The following KIF17 variants were observed in gnomAD, a reference collection of about 807,000 sequenced individuals.
The protein encoded by KIF17 is kinesin family member 17, also known as kinesin-like protein KIF17.
KIF17 carries 80 observed loss-of-function variants against 96.8 expected under a neutral mutation model. The observed-to-expected ratio is 0.83, with a 90% CI of 0.69 to 1.00. The LOEUF (loss-of-function observed/expected upper bound fraction) is 1.00, where lower values mean the gene tolerates loss of function less well. Ranked by LOEUF, KIF17 falls within the 50% of genes least tolerant of loss-of-function variation. The pLI, the probability that KIF17 is intolerant of heterozygous loss-of-function variation, is 0.00. For missense variants in KIF17, 1,280 were observed against 1,372.9 expected, an observed-to-expected ratio of 0.93 and a Z score of 1.07; for synonymous variants, 567 against 587.5, an observed-to-expected ratio of 0.97 and a Z score of 0.51.
chr1:20,717,739 T>C lies in KIF17; in HGVS notation c.-33A>G, dbSNP rs2154538202. The C allele has an allele frequency of 6.6e-7, 1 of 1,524,274 alleles. No homozygotes were observed. The highest frequency in any genetic ancestry group is 1.4e-5 in the African/African-American group (1 of 70,866). 94.4% of individuals were successfully genotyped at this position (1,524,274 alleles called of 1,614,324 possible). A position where few individuals can be genotyped will look rare whatever the true frequency, so the allele number is the denominator to read the frequency against. The stretch of plus-strand genomic sequence containing the variant: ...CGCCCAGGACCAACGGGACCAGAGC[T>C]GACCCCCGCCCCGCCGGGGACTCCC... On this transcript the variant is annotated 5_prime_UTR_variant, in exon 1 of 15. Coordinates refer to ENST00000400463, the MANE Select transcript of KIF17 (RefSeq NM_001122819.3).
At chr1:20,708,094 C>A (rs1479381847) in intron 4 of KIF17, among the ~76,000 whole-genome samples, 1 of 151,952 alleles carries the variant, frequency 6.6e-6, no homozygotes, top group East Asian at 1.9e-4. Flanking sequence ...AAGAGGTGCC[C>A]CCTAAACCCG....
intron 8 of KIF17, among the ~76,000 whole-genome samples, chr1:20,686,626 G>A (rs1022732319): frequency 1.3e-5 from 2 of 152,120 alleles, no homozygotes; most frequent in Admixed American, 1.3e-4. Context: ...TGCGATCTTG[G>A]CTCACTGCAA....
chr1:20,689,135 G>A (rs1329038596), intron 7 of KIF17, among the ~76,000 whole-genome samples: 1 of 152,130 alleles, frequency 6.6e-6, no homozygotes, highest in African/African-American at 2.4e-5. Context: ...GCTGGACTGG[G>A]GAGACCAGAG....
intron 6 of KIF17, among the ~76,000 whole-genome samples, chr1:20,696,810 CTT>C (rs746189259): frequency 6.6e-5 from 10 of 152,174 alleles, no homozygotes; most frequent in Non-Finnish European, 1.0e-4. Flanking sequence ...AGCAGGCTGA[CTT>C]CTCTGGTTTC....
chr1:20,704,726 A>G lies in KIF17; in HGVS notation c.844T>C (p.Cys282Arg). 4.3e-6 allele frequency: 7 copies of G among 1,613,150 alleles called. No homozygotes were observed. Among genetic ancestry groups the G allele is most frequent in the Non-Finnish European group, 5.9e-6 (7 of 1,179,446 alleles). ...GAGTCACGGTAGGGGACGTGCTTAC[A>G]GCGCCCGTCCACCAGCGCCGAGATG... is the stretch of plus-strand genomic sequence containing the variant. ...NVISALVDGR[C>R]KHVPYRDSKL... Residue 282 changes from cysteine to arginine, a missense_variant, in exon 5 of 15, where the codon TGT becomes CGT. Coordinates refer to ENST00000400463, the MANE Select transcript of KIF17 (RefSeq NM_001122819.3). This position sits in a 1 kb window ranked among gnomAD's most constrained non-coding sequence, Gnocchi z 6.8.
Position 20,717,778 on chromosome 1 carries a change from A to AAGGGGCGGGGCCAGCGCCGGCCACG in KIF17, c.-97_-73dup. 1 of 1,444,608 alleles carries AAGGGGCGGGGCCAGCGCCGGCCACG rather than the reference A, an allele frequency of 6.9e-7. No homozygotes were observed. Among genetic ancestry groups the AAGGGGCGGGGCCAGCGCCGGCCACG allele is most frequent in the Non-Finnish European group, 9.0e-7 (1 of 1,107,032 alleles). The allele number at this position is 1,444,608 out of a possible 1,614,324, so 89.5% of individuals were successfully genotyped here. On this transcript the variant is annotated 5_prime_UTR_variant, in exon 1 of 15. Coordinates refer to ENST00000400463, the MANE Select transcript of KIF17 (RefSeq NM_001122819.3). ...CCGGGGACTCCCAGCAGCCCGGGCCAAGGGGCGGGGCCAGCGCCGGCCACG... is the reference window on the plus strand; with the variant it reads ...CCGGGGACTCCCAGCAGCCCGGGCCAAGGGGCGGGGCCAGCGCCGGCCACGAGGGGCGGGGCCAGCGCCGGCCACG...
chr1:20,714,196 G>A (rs572587513), intron 2 of KIF17, among the ~76,000 whole-genome samples: 4 of 152,300 alleles, frequency 2.6e-5, no homozygotes, highest in South Asian at 4.1e-4. Flanking sequence ...GCATGGTGGT[G>A]GGTGCCTGTA....
Position 20,704,605 on chromosome 1 carries a change from G to A in KIF17, c.965C>T (p.Thr322Ile), listed in dbSNP as rs755253390. ...GTTGGCGTAGCGCAGCGTGCTGAGTGTCTCATCGTAGTTGTTGTCCGCAGG... is the reference window on the plus strand; with the variant it reads ...GTTGGCGTAGCGCAGCGTGCTGAGTATCTCATCGTAGTTGTTGTCCGCAGG... The part of the protein sequence containing the change: ...LSPADNNYDE[T>I]LSTLRYANRA... Residue 322 changes from threonine to isoleucine, a missense_variant, in exon 5 of 15, where the codon ACA becomes ATA. Coordinates refer to ENST00000400463, the MANE Select transcript of KIF17 (RefSeq NM_001122819.3). This position sits in a 1 kb window ranked among gnomAD's most constrained non-coding sequence, Gnocchi z 6.8. The A allele has an allele frequency of 5.0e-6, 8 of 1,614,190 alleles. No homozygotes were observed. The highest frequency in any genetic ancestry group is 5.9e-6 in the Non-Finnish European group (7 of 1,180,032).
chr1:20,690,172 G>C lies in KIF17; in HGVS notation c.1381+16C>G. 1.9e-6 allele frequency: 3 copies of C among 1,614,002 alleles called. No individual in the cohort carries two copies. Among genetic ancestry groups the C allele is most frequent in the Non-Finnish European group, 2.5e-6 (3 of 1,180,014 alleles). On this transcript the variant is annotated intron_variant, in intron 7 of 14. Transcript: ENST00000400463. ...ACCTTCCCTGGAGACAGCCTCGGGG[G>C]GCAAGGGGTGCCCACCTGTCTCCTT...
intron 6 of KIF17, among the ~76,000 whole-genome samples, chr1:20,692,495 A>G (rs1342700211): frequency 6.6e-6 from 1 of 152,006 alleles, no homozygotes; most frequent in Non-Finnish European, 1.5e-5. Context: ...TTACATGTGC[A>G]TGCCACCATG....
intron 6 of KIF17, among the ~76,000 whole-genome samples, chr1:20,691,072 A>G (rs2054031976): frequency 6.6e-6 from 1 of 151,618 alleles, no homozygotes; most frequent in Non-Finnish European, 1.5e-5. Context: ...AAGCTGAGGC[A>G]GATCGCTTGA....
In KIF17 at chr1:20,666,339, G is replaced by C. The variant is rs1490764956; in HGVS notation, c.2791-8C>G. ...CCTGTAGCGGTCGTCCTCCTGCCGA[G>C]ATGCAGATGCCCGTGGTCACGTCCC... is the stretch of plus-strand genomic sequence containing the variant. On this transcript the variant is annotated splice_region_variant and splice_polypyrimidine_tract_variant and intron_variant, in intron 13 of 14. Transcript: ENST00000400463. 2 of 1,598,004 alleles carry C rather than the reference G, an allele frequency of 1.3e-6. No individual in the cohort carries two copies. Among genetic ancestry groups the C allele is most frequent in the South Asian group, 2.2e-5 (2 of 90,802 alleles).
rs1274801102 is a variant in KIF17 at position 20,704,004 on chromosome 1, A to G, written c.1123+443T>C. Among the ~76,000 whole-genome samples, 1 of 152,078 alleles carries G rather than the reference A, an allele frequency of 6.6e-6. No homozygotes were observed. The highest frequency in any genetic ancestry group is 1.9e-4 in the East Asian group (1 of 5,186). On this transcript the variant is annotated intron_variant, in intron 5 of 14. Transcript: ENST00000400463. This position sits in a 1 kb window ranked among gnomAD's most constrained non-coding sequence, Gnocchi z 6.8. ...CTCCAAGTGTGGATTTCCACCTGCC[A>G]GGTGACAGGCAAATGCCAGGGCGCA...
chr1:20,682,889 C>G lies in KIF17; in HGVS notation c.2232-5G>C. The G allele has an allele frequency of 1.2e-6, 2 of 1,607,730 alleles. No individual in the cohort carries two copies. Among genetic ancestry groups the G allele is most frequent in the East Asian group, 4.5e-5 (2 of 44,846 alleles). The stretch of plus-strand genomic sequence containing the variant: ...TGCTGCTCCAACAGCTGCAGACTGC[C>G]GGCGTGGAGGAGAAAGCAAACAAGA... On this transcript the variant is annotated splice_region_variant and splice_polypyrimidine_tract_variant and intron_variant, in intron 10 of 14. Transcript: ENST00000400463.
rs1318818901 is a variant in KIF17, at chr1:20,700,220, G to A, written c.1124-1732C>T. On this transcript the variant is annotated intron_variant, in intron 5 of 14. Coordinates refer to ENST00000400463, the MANE Select transcript of KIF17 (RefSeq NM_001122819.3). The surrounding 1 kb of genome is among the most constrained non-coding windows in gnomAD (Gnocchi z 4.6). ...CGAGTAGCTGCGACTACAGGTGTGC[G>A]CCACTACGCCTGGCTAATATTTTCT... Among the ~76,000 whole-genome samples, 1 of 152,108 alleles carries A rather than the reference G, an allele frequency of 6.6e-6. No individual in the cohort carries two copies. Among genetic ancestry groups the A allele is most frequent in the Admixed American group, 6.6e-5 (1 of 15,254 alleles).
chr1:20,715,560 A>T lies in KIF17; in HGVS notation c.311T>A (p.Leu104Gln). ...GCCTCTCTGGGAGGGCGGATCCGGCAGGCCCTGCATGGTGAAGGACTTCCC... is the reference window on the plus strand; with the variant it reads ...GCCTCTCTGGGAGGGCGGATCCGGCTGGCCCTGCATGGTGAAGGACTTCCC... ...GSGKSFTMQG[L>Q]PDPPSQRGII... is the part of the protein sequence containing the mutation. The change falls in exon 2 of 15, where the codon CTG becomes CAG. Residue 104 changes from leucine to glutamine, a missense_variant. By Grantham distance (113) the Leu-to-Gln change is moderately radical (BLOSUM62 -2). Coordinates refer to ENST00000400463, the MANE Select transcript of KIF17 (RefSeq NM_001122819.3). The T allele has an allele frequency of 6.2e-7, 1 of 1,613,774 alleles. No individual in the cohort carries two copies.
chr1:20,679,040 A>C (rs1322244324), intron 11 of KIF17, among the ~76,000 whole-genome samples: 2 of 149,964 alleles, frequency 1.3e-5, no homozygotes, highest in Non-Finnish European at 3.0e-5. Context: ...AGCCAGGTGC[A>C]GTGGCTGATG....
chr1:20,712,716 A>ATATAGAT (rs2054477542), intron 3 of KIF17, among the ~76,000 whole-genome samples: 17 of 16,348 alleles, frequency 1.0e-3, no homozygotes, highest in Non-Finnish European at 1.4e-3. Context: ...TCTATATATA[A>ATATAGAT]AATTATATTA....
chr1:20,686,762 T>A (rs2053945823), intron 8 of KIF17, among the ~76,000 whole-genome samples: 1 of 152,290 alleles, frequency 6.6e-6, no homozygotes, highest in Admixed American at 6.5e-5. Context: ...CACTTCACCA[T>A]GTTGGCCAGG....
Sources: gnomAD v4.1 joint callset for allele counts (sites outside exome capture counted in the v4.1 genomes callset) on GRCh38, gnomAD v4.1.1 for gene constraint, Gnocchi (gnomAD v3.1) non-coding constraint, MANE v1.5 for transcripts, NCBI Gene and HGNC (gene_info 2026-07-23, HGNC 2026-07-21) for gene names.